The following ARRDC2 variants were observed in gnomAD, a reference collection of about 807,000 sequenced individuals.
The protein encoded by ARRDC2 is arrestin domain containing 2.
ARRDC2 carries 39 observed loss-of-function variants against 38.9 expected under a neutral mutation model. The observed-to-expected ratio is 1.00, with a 90% confidence interval of 0.78 to 1.31. The LOEUF is 1.31. Ranked by LOEUF, ARRDC2 falls within the 50% of genes most tolerant of loss-of-function variation. The pLI, the probability that ARRDC2 is intolerant of heterozygous loss-of-function variation, is 0.00. For synonymous variants in ARRDC2, 300 were observed against 261.9 expected (o/e 1.15, Z -1.41); for missense variants, 553 against 588.4 (o/e 0.94, Z 0.62).
At chr19:18,005,876 G>A (rs1243412892), upstream of ARRDC2, among the ~76,000 whole-genome samples, 10 of 150,228 alleles carry the variant, frequency 6.7e-5, no homozygotes, top group East Asian at 6.1e-4. Flanking sequence ...CAGACGGGGC[G>A]GCTGCCGGGC....
intron 2 of ARRDC2, 61 bp downstream of exon 2, chr19:18,008,838 C>CA: frequency 6.2e-7 from 1 of 1,601,598 alleles, no homozygotes. Context: ...TTGGTACCTC[C>CA]AATACTGGAT....
chr19:18,011,093 G>A (rs1328724031), intron 7 of ARRDC2, among the ~76,000 whole-genome samples: 3 of 152,178 alleles, frequency 2.0e-5, no homozygotes, highest in African/African-American at 7.2e-5. Flanking sequence ...CCGCATCCCT[G>A]GTAGAGCGAT....
At chr19:18,009,150 G>A (rs767322430) in intron 3 of ARRDC2, 32 bp downstream of exon 3, 13 of 1,609,300 alleles carry the variant, frequency 8.1e-6, no homozygotes, top group Non-Finnish European at 1.1e-5. Context: ...GGTAGGTTGG[G>A]AGTATTGTAG....
At chr19:18,009,552 C>T (rs753473574) in intron 3 of ARRDC2, 40 bp from the exon 4 acceptor site, 28 of 1,541,134 alleles carry the variant, frequency 1.8e-5, no homozygotes, top group Non-Finnish European at 1.8e-6. Flanking sequence ...GTGGTTTGCA[C>T]AAAGTGACTC....
intron 5 of ARRDC2, 26 bp from the exon 6 acceptor site, chr19:18,010,170 C>T: frequency 1.9e-6 from 3 of 1,608,558 alleles, no homozygotes; most frequent in Non-Finnish European, 1.7e-6. Flanking sequence ...TGCCTGGGCA[C>T]CCTCCCTTAT....
upstream of ARRDC2, among the ~76,000 whole-genome samples, chr19:18,004,221 A>C (rs2033230551): frequency 6.7e-6 from 1 of 148,756 alleles, no homozygotes; most frequent in African/African-American, 2.5e-5. Context: ...TCTCTACTAA[A>C]AATACAAAAA....
Position 18,010,004 on chromosome 19 carries a change from C to T in ARRDC2, c.814C>T (p.His272Tyr), listed in dbSNP as rs1466567220. ...CCCCCCAGTGGGTCCTTCCATCCTG[C>T]ACTGCCGCGTTCTACACGTGGACTA... ...RIPPVGPSIL[H>Y]CRVLHVDYAL... Residue 272 changes from histidine (H) to tyrosine (Y), a missense_variant, in exon 5 of 8, where the codon CAC becomes TAC. Coordinates refer to ENST00000222250, the MANE Select transcript of ARRDC2 (RefSeq NM_015683.2). 6.2e-7 allele frequency: 1 copy of T among 1,601,242 alleles called. No individual in the cohort carries two copies. The highest frequency in any genetic ancestry group is 8.5e-7 in the Non-Finnish European group (1 of 1,179,476).
upstream of ARRDC2, chr19:18,007,122 G>A (rs1236062074): frequency 1.3e-5 from 2 of 152,490 alleles, no homozygotes; most frequent in East Asian, 3.8e-4. Flanking sequence ...GCAGGGGATG[G>A]GTTCAGCGGC....
intron 7 of ARRDC2, among the ~76,000 whole-genome samples, chr19:18,011,450 G>T (rs1359208597): frequency 6.6e-6 from 1 of 152,158 alleles, no homozygotes; most frequent in African/African-American, 2.4e-5. Context: ...GATTTTAATT[G>T]TTGACAGAAT....
rs2033454112 is a variant in ARRDC2, at chr19:18,013,547, G to A, written c.*581G>A. The stretch of plus-strand genomic sequence containing the variant: ...TGCCTCAGAGTTGAGGCCACACAGT[G>A]AGGTCTGGTGGGTGAAAGGACCCAG... On this transcript the variant is annotated 3_prime_UTR_variant, in exon 8 of 8. Transcript: ENST00000222250. 1 of 152,544 alleles carries A rather than the reference G, an allele frequency of 6.6e-6. No homozygotes were observed. The highest frequency in any genetic ancestry group is 2.1e-4 in the South Asian group (1 of 4,850). 9.4% of individuals were successfully genotyped at this position (152,544 alleles called of 1,614,324 possible).
At chr19:18,002,423 G>A (rs1375920743) in intron 1 of ARRDC2, among the ~76,000 whole-genome samples, 3 of 152,196 alleles carry the variant, frequency 2.0e-5, no homozygotes, top group African/African-American at 7.2e-5. Context: ...GCGAGCCAGG[G>A]GTCACAGAAG....
chr19:18,008,646 T>G, intron 1 of ARRDC2, 62 bp downstream of exon 1: 1 of 1,603,530 alleles, frequency 6.2e-7, no homozygotes. Flanking sequence ...TGGACGGCGG[T>G]ACCTCCGTCA....
At chr19:18,008,001 G>T (rs368077009), upstream of ARRDC2, among the ~76,000 whole-genome samples, 7 of 152,374 alleles carry the variant, frequency 4.6e-5, no homozygotes, top group African/African-American at 1.7e-4. Context: ...CGCGAGGGAA[G>T]GGGGCAGCCG....
intron 3 of ARRDC2, chr19:18,009,352 C>A (rs572876411): frequency 8.7e-5 from 56 of 640,792 alleles, no homozygotes; most frequent in Non-Finnish European, 1.4e-4. Context: ...GTGAAATAGA[C>A]CAGAGCTAGG....
At chr19:18,001,784 A>G (rs1352465591) in intron 1 of ARRDC2, among the ~76,000 whole-genome samples, 1 of 152,136 alleles carries the variant, frequency 6.6e-6, no homozygotes. Context: ...GTCTCCAAAA[A>G]CTACAAAAAT....
rs1009495632 is a variant in ARRDC2, at chr19:18,013,950, A to C, written c.*984A>C. On this transcript the variant is annotated 3_prime_UTR_variant, in exon 8 of 8. Transcript: ENST00000222250. ...TCCCTGTGTCCTGGAGGAGAAAAGC[A>C]TTAGAGGGGGCAGCTGGACAAGCTC... 18 of 152,240 alleles carry C rather than the reference A, an allele frequency of 1.2e-4. No homozygotes were observed. Among genetic ancestry groups the C allele is most frequent in the African/African-American group, 4.3e-4 (18 of 41,544 alleles). The allele number at this position is 152,240 out of a possible 1,614,324, so 9.4% of individuals were successfully genotyped here.
chr19:18,009,002 G>T lies in ARRDC2; in HGVS notation c.373G>T (p.Gly125Cys). 2 of 1,613,712 alleles carry T rather than the reference G, an allele frequency of 1.2e-6. No homozygotes were observed. Among genetic ancestry groups the T allele is most frequent in the Non-Finnish European group, 1.7e-6 (2 of 1,179,986 alleles). The change falls in exon 3 of 8, where the codon GGT becomes TGT. Residue 125 changes from glycine to cysteine, a missense_variant. By Grantham distance (159) the Gly-to-Cys change is radical. Around this residue, in one of 3 missense-constraint regions of ARRDC2, gnomAD observed 447 missense variants for 456.6 expected, o/e 0.98. Coordinates refer to ENST00000222250, the MANE Select transcript of ARRDC2 (RefSeq NM_015683.2). ...GGTGACATCCTTCGAGGGCAAACAC[G>T]GTAGTGTCCGCTACTGTATCAAGGC... is the stretch of plus-strand genomic sequence containing the variant. ...TLVTSFEGKH[G>C]SVRYCIKATL...
rs1284199400 is a variant in ARRDC2 at position 18,008,784 on chromosome 19, C to T, written c.341+7C>T. On this transcript the variant is annotated splice_region_variant and intron_variant, in intron 2 of 7. Transcript: ENST00000222250. The stretch of plus-strand genomic sequence containing the variant: ...TCAGCTTCCAGCTGCCCCCGTAAGT[C>T]CTCTGGGGTGCAGGGTTGCCCTAAG... The T allele has an allele frequency of 3.7e-6, 6 of 1,613,106 alleles. No individual in the cohort carries two copies. The highest frequency in any genetic ancestry group is 1.3e-5 in the African/African-American group (1 of 74,896).
chr19:18,008,553 C>G lies in ARRDC2; in HGVS notation c.243C>G (p.Val81=). ...YTQSYSERVE[V]VSHRATLLAP... ...AGAGCTACAGTGAACGCGTGGAGGT[C>G]GTGAGCCACCGCGCCACGCTCCTGG... The change falls in exon 1 of 8, where the codon GTC becomes GTG. Residue 81 remains valine (V), a synonymous_variant. Coordinates refer to ENST00000222250, the MANE Select transcript of ARRDC2 (RefSeq NM_015683.2). 1 of 1,568,498 alleles carries G rather than the reference C, an allele frequency of 6.4e-7. No individual in the cohort carries two copies. The highest frequency in any genetic ancestry group is 1.1e-5 in the South Asian group (1 of 88,386).
Sources: allele counts gnomAD v4.1 joint callset (sites outside exome capture counted in the v4.1 genomes callset), GRCh38; gene constraint gnomAD v4.1.1; regional missense constraint gnomAD v4.1.1; transcripts MANE v1.5; gene names NCBI Gene and HGNC (gene_info 2026-07-23, HGNC 2026-07-21).